The following STRN4 variants were observed in gnomAD, a reference collection of about 807,000 sequenced individuals.
STRN4 encodes the protein striatin 4, also known as striatin-4.
STRN4 carries 27 observed loss-of-function variants against 77.9 expected under a neutral mutation model. That is an observed-to-expected ratio of 0.35 (90% CI 0.26 to 0.48). The LOEUF (loss-of-function observed/expected upper bound fraction) is 0.48. Ranked by LOEUF, STRN4 falls within the 20% of genes least tolerant of loss-of-function variation. The pLI is 0.99. For missense variants in STRN4, 798 were observed against 1,049.7 expected (o/e 0.76, Z 3.31); for synonymous variants, 466 against 443.1 (o/e 1.05, Z -0.65).
chr19:46,745,399 C>G (rs1033155671), intron 1 of STRN4, among the ~76,000 whole-genome samples: 17 of 152,152 alleles, frequency 1.1e-4, no homozygotes, highest in African/African-American at 3.4e-4. Context: ...CCGGGATCCC[C>G]AAAGTTTCTC....
At position 46,741,789 on chromosome 19, in the gene STRN4, G is replaced by A. The variant is rs1396262669; in HGVS notation, c.283-2901C>T. ...TCCTCCCAGGAGCTGATGCCTCTCT[G>A]AATTCGCTGCTTCCTGTCCCAGCTA... On this transcript the variant is annotated intron_variant, in intron 1 of 17. Coordinates refer to ENST00000263280, the MANE Select transcript of STRN4 (RefSeq NM_013403.3). The surrounding 1 kb of genome is among the most constrained non-coding windows in gnomAD (Gnocchi z 4.9). Among the ~76,000 whole-genome samples the A allele has an allele frequency of 1.3e-5, 2 of 152,240 alleles. No individual in the cohort carries two copies. Among genetic ancestry groups the A allele is most frequent in the African/African-American group, 2.4e-5 (1 of 41,466 alleles).
rs968525911 is a variant in STRN4 at position 46,738,720 on chromosome 19, TG to T, written c.386+64del. 2 of 1,481,972 alleles carry T rather than the reference TG, an allele frequency of 1.3e-6. No individual in the cohort carries two copies. Among genetic ancestry groups the T allele is most frequent in the Non-Finnish European group, 1.9e-6 (2 of 1,064,162 alleles). The allele number at this position is 1,481,972 out of a possible 1,614,324, so 91.8% of individuals were successfully genotyped here. A position where few individuals can be genotyped will look rare whatever the true frequency, so the allele number is the denominator to read the frequency against. ...CTTAGCTGGAAGGAGGCGTGGCTGGTGGCCTCCTGACACTGTGCTTGAGACG... is the reference window on the plus strand; with the variant it reads ...CTTAGCTGGAAGGAGGCGTGGCTGGTGCCTCCTGACACTGTGCTTGAGACG... On this transcript the variant is annotated intron_variant, in intron 2 of 17. Transcript: ENST00000263280. This position sits in a 1 kb window ranked among gnomAD's most constrained non-coding sequence, Gnocchi z 4.5.
chr19:46,744,918 G>A (rs1048285786), intron 1 of STRN4, among the ~76,000 whole-genome samples: 1 of 151,950 alleles, frequency 6.6e-6, no homozygotes, highest in East Asian at 1.9e-4. Context: ...GCTCCACGAG[G>A]TCACAAACCC....
At position 46,728,134 on chromosome 19, in the gene STRN4, AGG is replaced by A. The variant is rs771717541; in HGVS notation, c.1040-129_1040-128del. On this transcript the variant is annotated intron_variant, in intron 7 of 17. Coordinates refer to ENST00000263280, the MANE Select transcript of STRN4 (RefSeq NM_013403.3). ...GGCTGTGAAGCTCTGGCCCTGGGGG[AGG>A]GGGGGAATGGGCAGAGGAGAGGAGG... 5.5e-6 allele frequency: 5 copies of A among 903,454 alleles called. No homozygotes were observed. In the South Asian group the frequency reaches 7.0e-5, roughly 13 times the overall value. The allele number at this position is 903,454 out of a possible 1,614,324, so 56.0% of individuals were successfully genotyped here. A position where few individuals can be genotyped will look rare whatever the true frequency, so the allele number is the denominator to read the frequency against.
At chr19:46,739,825 G>A (rs78031612) in intron 1 of STRN4, among the ~76,000 whole-genome samples, 5,642 of 152,324 alleles carry the variant, frequency 0.037, 310 homozygotes, top group African/African-American at 0.13. Flanking sequence ...CTCCCCTCAT[G>A]TGCTAGGTTC....
chr19:46,740,663 G>A (rs2054457402), intron 1 of STRN4, among the ~76,000 whole-genome samples: 1 of 152,028 alleles, frequency 6.6e-6, no homozygotes, highest in African/African-American at 2.4e-5. Flanking sequence ...CCTACACCTT[G>A]GTCAATACCT....
Position 46,733,867 on chromosome 19 carries a change from G to A in STRN4, c.540-631C>T, listed in dbSNP as rs1030957044. 1.3e-4 allele frequency: 20 copies of A among 152,140 alleles called. No homozygotes were observed. The highest frequency in any genetic ancestry group is 4.8e-4 in the African/African-American group (20 of 41,412). 9.4% of individuals were successfully genotyped at this position (152,140 alleles called of 1,614,324 possible). A position where few individuals can be genotyped will look rare whatever the true frequency, so the allele number is the denominator to read the frequency against. ...TGCAATTTAAAAACTGAAGCCAGCT[G>A]GGACTGGACTAAAAGTAAAAAAAGA... On this transcript the variant is annotated intron_variant, in intron 4 of 17. Transcript: ENST00000263280. The surrounding 1 kb of genome is among the most constrained non-coding windows in gnomAD (Gnocchi z 4.3).
At chr19:46,724,194 G>A (rs2054047478) in intron 12 of STRN4, among the ~76,000 whole-genome samples, 1 of 139,572 alleles carries the variant, frequency 7.2e-6, no homozygotes, top group African/African-American at 2.8e-5. Context: ...GTTGCAGTAA[G>A]CCAAGATCAC....
chr19:46,727,034 C>A (rs1035211967), intron 9 of STRN4, among the ~76,000 whole-genome samples: 2 of 152,104 alleles, frequency 1.3e-5, no homozygotes, highest in Admixed American at 1.3e-4. Context: ...GCACATACAC[C>A]CACACCAAAA....
Position 46,724,904 on chromosome 19 carries a change from C to G in STRN4, c.1497G>C (p.Met499Ile). 1 of 1,614,070 alleles carries G rather than the reference C, an allele frequency of 6.2e-7. No homozygotes were observed. Among genetic ancestry groups the G allele is most frequent in the East Asian group, 2.2e-5 (1 of 44,882 alleles). The change falls in exon 12 of 18, where the codon ATG becomes ATC. Residue 499 changes from methionine (M) to isoleucine (I), a missense_variant. By Grantham distance (10) the Met-to-Ile change is conservative (BLOSUM62 1). Around this residue, in one of 2 missense-constraint regions of STRN4, gnomAD observed 287 missense variants for 473.8 expected, o/e 0.61. Transcript: ENST00000263280. ...TGTAGCAGTATTCACTGTTGCTGCC[C>G]ATAGCCACAGCCAACACTGGGCCCC... ...AHRGPVLAVA[M>I]GSNSEYCYSG...
At position 46,721,443 on chromosome 19, in the gene STRN4, A is replaced by G. The variant is rs551720799; in HGVS notation, c.2092+543T>C. The stretch of plus-strand genomic sequence containing the variant: ...CAGCACAGGCCCGGAGGCAGAGCCC[A>G]GCCACAGCCTCCAACACCACGGCCT... On this transcript the variant is annotated intron_variant, in intron 16 of 17. Transcript: ENST00000263280. 747 of 157,182 alleles carry G rather than the reference A, an allele frequency of 4.8e-3. 4 individuals carry two copies. Among genetic ancestry groups the G allele is most frequent in the African/African-American group, 0.017 (687 of 41,616 alleles). 9.7% of individuals were successfully genotyped at this position (157,182 alleles called of 1,614,324 possible). A position where few individuals can be genotyped will look rare whatever the true frequency, so the allele number is the denominator to read the frequency against.
rs750664023 is a variant in STRN4 at position 46,733,244 on chromosome 19, G to C, written c.540-8C>G. The C allele has an allele frequency of 6.2e-7, 1 of 1,608,070 alleles. No individual in the cohort carries two copies. The highest frequency in any genetic ancestry group is 1.7e-5 in the Admixed American group (1 of 59,872). ...CCCACCTCTTCCAGGTACCTGCAGGGGTGCAGAGCCACGTGGGTCAGACAT... is the reference window on the plus strand; with the variant it reads ...CCCACCTCTTCCAGGTACCTGCAGGCGTGCAGAGCCACGTGGGTCAGACAT... On this transcript the variant is annotated splice_polypyrimidine_tract_variant and splice_region_variant and intron_variant, in intron 4 of 17. Coordinates refer to ENST00000263280, the MANE Select transcript of STRN4 (RefSeq NM_013403.3). The surrounding 1 kb of genome is among the most constrained non-coding windows in gnomAD (Gnocchi z 4.3).
At position 46,725,559 on chromosome 19, in the gene STRN4, G is replaced by A. The variant is rs551992419; in HGVS notation, c.1338C>T (p.Phe446=). 2 of 1,614,204 alleles carry A rather than the reference G, an allele frequency of 1.2e-6. No homozygotes were observed. Among genetic ancestry groups the A allele is most frequent in the East Asian group, 2.2e-5 (1 of 44,892 alleles). The change falls in exon 10 of 18, where the codon TTC becomes TTT. Residue 446 remains phenylalanine, a synonymous_variant. Coordinates refer to ENST00000263280, the MANE Select transcript of STRN4 (RefSeq NM_013403.3). ...TGAGCAGAGCCGACTGGCTGTGGTG[G>A]AAGGCCAGGGAACGAATGCCGTCGT... ...SHYDGIRSLA[F]HHSQSALLTA...
At chr19:46,737,015 G>A (rs2054379893) in intron 3 of STRN4, 114 bp from the exon 4 acceptor site, 2 of 938,222 alleles carry the variant, frequency 2.1e-6, no homozygotes, top group Non-Finnish European at 3.3e-6. Context: ...CAGGTCCTGT[G>A]GCATCACTTC....
chr19:46,730,009 A>G (rs902142104), intron 6 of STRN4, among the ~76,000 whole-genome samples: 1 of 152,068 alleles, frequency 6.6e-6, no homozygotes, highest in South Asian at 2.1e-4. Context: ...AGCCAGCCCA[A>G]GGGTGTGGGC....
At chr19:46,729,015 T>C (rs1163285900) in intron 6 of STRN4, among the ~76,000 whole-genome samples, 1 of 152,232 alleles carries the variant, frequency 6.6e-6, no homozygotes. Context: ...GGGCTCAGCC[T>C]GCTCCAGTCC....
At chr19:46,735,587 G>C (rs1204317286) in intron 4 of STRN4, among the ~76,000 whole-genome samples, 1 of 152,180 alleles carries the variant, frequency 6.6e-6, no homozygotes, top group African/African-American at 2.4e-5. Flanking sequence ...TTCTTGGGTG[G>C]AGAAATTATG....
intron 5 of STRN4, 38 bp from the exon 6 acceptor site, chr19:46,730,911 G>A (rs1568397670): frequency 6.2e-7 from 1 of 1,602,428 alleles, no homozygotes; most frequent in Non-Finnish European, 8.5e-7. Context: ...CATGAGTCCT[G>A]GCAGGTGTCA....
chr19:46,738,834 C>A lies in STRN4; in HGVS notation c.337G>T (p.Asp113Tyr). Residue 113 changes from aspartate (D) to tyrosine (Y), a missense_variant, in exon 2 of 18, where the codon GAC becomes TAC. By Grantham distance (160) the Asp-to-Tyr change is radical (BLOSUM62 -3). Around this residue, in one of 2 missense-constraint regions of STRN4, gnomAD observed 511 missense variants for 575.9 expected, o/e 0.89. Coordinates refer to ENST00000263280, the MANE Select transcript of STRN4 (RefSeq NM_013403.3). This position sits in a 1 kb window ranked among gnomAD's most constrained non-coding sequence, Gnocchi z 4.5. ...ERKGQENLKT[D>Y]LVRRIKMLEY... is the part of the protein sequence containing the mutation. ...AGCATCTTGATCCGCCGCACCAGGT[C>A]CGTCTTTAGATTCTCCTGCCCTTTC... is the stretch of plus-strand genomic sequence containing the variant. 6.2e-7 allele frequency: 1 copy of A among 1,614,182 alleles called. No individual in the cohort carries two copies. The highest frequency in any genetic ancestry group is 8.5e-7 in the Non-Finnish European group (1 of 1,180,044).
Sources: allele counts gnomAD v4.1 joint callset (sites outside exome capture counted in the v4.1 genomes callset), GRCh38; gene constraint gnomAD v4.1.1; regional missense constraint gnomAD v4.1.1; non-coding constraint Gnocchi (gnomAD v3.1); transcripts MANE v1.5; gene names NCBI Gene and HGNC (gene_info 2026-07-23, HGNC 2026-07-21).